PCYOX1: variants seen among roughly 807,000 people sequenced by gnomAD.
PCYOX1 encodes the protein prenylcysteine lyase.
PCYOX1 carries 46 observed loss-of-function variants against 46.4 expected under a neutral mutation model. The ratio of observed to expected loss-of-function variants is 0.99; its 90% CI spans 0.78 to 1.27. The LOEUF is 1.27. Ranked by LOEUF, PCYOX1 falls within the 50% of genes most tolerant of loss-of-function variation. The pLI, the probability that PCYOX1 is intolerant of heterozygous loss-of-function variation, is 0.00. For synonymous variants in PCYOX1, 220 were observed against 231.8 expected (o/e 0.95, Z 0.46); for missense variants, 658 against 628.3 (o/e 1.05, Z -0.51).
chr2:70,261,915 G>C (rs2104889382), intron 3 of PCYOX1, among the ~76,000 whole-genome samples: 1 of 152,344 alleles, frequency 6.6e-6, no homozygotes, highest in African/African-American at 2.4e-5. Flanking sequence ...CATGTTTTCA[G>C]TGAACCAGCA....
chr2:70,272,006 A>G (rs559784219), intron 3 of PCYOX1, among the ~76,000 whole-genome samples: 10 of 152,366 alleles, frequency 6.6e-5, no homozygotes, highest in African/African-American at 1.9e-4. Flanking sequence ...TTTTTTGTCA[A>G]CAAATGATTG....
In PCYOX1 at chr2:70,277,354, C is replaced by G. The variant is rs775454511; in HGVS notation, c.1480C>G (p.Gln494Glu). ...GAACGGGCACACAGACATGATTGATCAGGATGGCTTATATGAGAAACTTAA... is the reference window on the plus strand; with the variant it reads ...GAACGGGCACACAGACATGATTGATGAGGATGGCTTATATGAGAAACTTAA... ...RWNGHTDMID[Q>E]DGLYEKLKTE... Residue 494 changes from glutamine to glutamate, a missense_variant, in exon 6 of 6, where the codon CAG (glutamine) becomes GAG (glutamate). Transcript: ENST00000433351. 1 of 1,611,332 alleles carries G rather than the reference C, an allele frequency of 6.2e-7. No homozygotes were observed. Among genetic ancestry groups the G allele is most frequent in the Non-Finnish European group, 8.5e-7 (1 of 1,177,758 alleles).
At chr2:70,263,231 A>T (rs1204360238) in intron 3 of PCYOX1, among the ~76,000 whole-genome samples, 3 of 46,940 alleles carry the variant, frequency 6.4e-5, no homozygotes, top group Non-Finnish European at 1.0e-4. Context: ...CAGACTGTCT[A>T]AAAAAAAAAA....
chr2:70,271,891 T>C (rs1294605256), intron 3 of PCYOX1, among the ~76,000 whole-genome samples: 2 of 152,184 alleles, frequency 1.3e-5, no homozygotes, highest in Non-Finnish European at 2.9e-5. Flanking sequence ...TTCCAAATTA[T>C]TATCAGATAT....
chr2:70,269,741 G>A (rs1408614231), intron 3 of PCYOX1, among the ~76,000 whole-genome samples: 4 of 151,332 alleles, frequency 2.6e-5, no homozygotes, highest in East Asian at 2.0e-4. Flanking sequence ...TTTTTGACAC[G>A]TGGACACGTG....
intron 5 of PCYOX1, 93 bp downstream of exon 5, chr2:70,275,759 C>A: frequency 8.4e-7 from 1 of 1,196,022 alleles, no homozygotes; most frequent in Non-Finnish European, 1.2e-6. Flanking sequence ...TTACTCAGTT[C>A]TAAAATGATG....
chr2:70,265,155 A>G (rs1375174256), intron 3 of PCYOX1, among the ~76,000 whole-genome samples: 3 of 151,554 alleles, frequency 2.0e-5, no homozygotes, highest in Non-Finnish European at 2.9e-5. Flanking sequence ...ACTTCTGCAC[A>G]TACATTTATG....
At chr2:70,275,437 T>C in intron 4 of PCYOX1, 77 bp from the exon 5 acceptor site, 1 of 1,424,564 alleles carries the variant, frequency 7.0e-7, no homozygotes, top group Non-Finnish European at 9.8e-7. Flanking sequence ...GTAGAACATG[T>C]AATTGGGAAG....
intron 3 of PCYOX1, 36 bp from the exon 4 acceptor site, chr2:70,274,923 G>A (rs1377169028): frequency 7.9e-7 from 1 of 1,266,844 alleles, no homozygotes; most frequent in African/African-American, 1.5e-5. Flanking sequence ...CCCACATCTT[G>A]TTTGGTATTT....
intron 3 of PCYOX1, among the ~76,000 whole-genome samples, chr2:70,271,163 G>A (rs953075214): frequency 2.0e-5 from 3 of 151,972 alleles, no homozygotes; most frequent in African/African-American, 4.8e-5. Flanking sequence ...AACCAGCGGG[G>A]CTGAAGTGAT....
At position 70,278,251 on chromosome 2, in the gene PCYOX1, A is replaced by T. The variant is rs1258359873; in HGVS notation, c.*859A>T. 1.3e-5 allele frequency: 2 copies of T among 152,632 alleles called. No homozygotes were observed. The highest frequency in any genetic ancestry group is 2.9e-5 in the Non-Finnish European group (2 of 68,036). 9.5% of individuals were successfully genotyped at this position (152,632 alleles called of 1,614,324 possible). ...TTTAAAAATACTGAGACCCCCCCATAACCAGAGATTCAGATTCAAAGACTG... is the reference window on the plus strand; with the variant it reads ...TTTAAAAATACTGAGACCCCCCCATTACCAGAGATTCAGATTCAAAGACTG... On this transcript the variant is annotated 3_prime_UTR_variant, in exon 6 of 6. Coordinates refer to ENST00000433351, the MANE Select transcript of PCYOX1 (RefSeq NM_016297.4).
At chr2:70,257,949 C>T (rs537281888), upstream of PCYOX1, 2 of 406,418 alleles carry the variant, frequency 4.9e-6, no homozygotes, top group South Asian at 4.4e-5. Context: ...GGCTTCGAGG[C>T]GGCAGGATGT....
chr2:70,261,901 G>A (rs534360588), intron 3 of PCYOX1, among the ~76,000 whole-genome samples: 1 of 152,312 alleles, frequency 6.6e-6, no homozygotes, highest in East Asian at 1.9e-4. Flanking sequence ...GCCTTTAATA[G>A]TGACATGTTT....
chr2:70,276,368 G>A (rs1044872607), intron 5 of PCYOX1, among the ~76,000 whole-genome samples: 1 of 151,618 alleles, frequency 6.6e-6, no homozygotes, highest in African/African-American at 2.4e-5. Context: ...CACCGCGCTC[G>A]GCTAATTTTT....
intron 3 of PCYOX1, among the ~76,000 whole-genome samples, chr2:70,268,687 T>C (rs753750463): frequency 3.3e-5 from 5 of 151,244 alleles, no homozygotes; most frequent in Non-Finnish European, 5.9e-5. Context: ...TAATCCCAGC[T>C]ACTCAGGAAG....
intron 5 of PCYOX1, among the ~76,000 whole-genome samples, chr2:70,276,074 TG>T (rs1160661037): frequency 3.1e-5 from 4 of 130,604 alleles, no homozygotes; most frequent in African/African-American, 2.9e-5. Flanking sequence ...CACTCTAGCC[TG>T]GGTGACGGAG....
rs1168698297 is a variant in PCYOX1 at position 70,263,237 on chromosome 2, A to AT, written c.494+1851_494+1852insT. Among the ~76,000 whole-genome samples, 3 of 151,992 alleles carry AT rather than the reference A, an allele frequency of 2.0e-5. No homozygotes were observed. In the East Asian group the frequency reaches 5.8e-4, roughly 29 times the overall value. On this transcript the variant is annotated intron_variant, in intron 3 of 5. Coordinates refer to ENST00000433351, the MANE Select transcript of PCYOX1 (RefSeq NM_016297.4). ...GGACAGAGCCAGACTGTCTAAAAAA[A>AT]AAAAAAAGAAAGCTAAGCAGGATAT...
rs149137513 is a variant in PCYOX1 at position 70,276,902 on chromosome 2, T to C, written c.1028T>C (p.Ile343Thr). Residue 343 changes from isoleucine to threonine, a missense_variant, in exon 6 of 6, where the codon ATA (isoleucine) becomes ACA (threonine). By Grantham distance (89) the Ile-to-Thr change is moderately conservative. Coordinates refer to ENST00000433351, the MANE Select transcript of PCYOX1 (RefSeq NM_016297.4). ...GAATTCCATCAATATTATCAACATA[T>C]AGTGACAACTTTAGTTAAGGGGGAA... Reference protein sequence around the residue: ...IEEFHQYYQHIVTTLVKGELN... With the variant: ...IEEFHQYYQHTVTTLVKGELN... The C allele has an allele frequency of 9.3e-6, 15 of 1,612,772 alleles. No homozygotes were observed. The highest frequency in any genetic ancestry group is 1.2e-5 in the Non-Finnish European group (14 of 1,178,744).
intron 3 of PCYOX1, among the ~76,000 whole-genome samples, chr2:70,263,456 G>T (rs1230542862): frequency 6.6e-6 from 1 of 152,126 alleles, no homozygotes; most frequent in African/African-American, 2.4e-5. Flanking sequence ...TATGTTGAGA[G>T]TATAGGACCT....
Sources: gnomAD v4.1 joint callset for allele counts (sites outside exome capture counted in the v4.1 genomes callset) on GRCh38, gnomAD v4.1.1 for gene constraint, MANE v1.5 for transcripts, NCBI Gene and HGNC (gene_info 2026-07-23, HGNC 2026-07-21) for gene names.